GTF2E2: variants seen among roughly 807,000 people sequenced by gnomAD.
GTF2E2 encodes the protein general transcription factor IIE subunit 2, also known as transcription initiation factor IIE subunit beta.
Under a neutral mutation model 40.5 loss-of-function variants are expected in GTF2E2, and 21 were observed. The observed-to-expected ratio is 0.52, with a 90% CI of 0.37 to 0.75. GTF2E2 has a LOEUF of 0.75. GTF2E2 is among the 30% of genes least tolerant of loss of function. The pLI is 0.00. For missense variants in GTF2E2, 298 were observed against 338.4 expected (o/e 0.88, Z 0.94); for synonymous variants, 117 against 121.6 (o/e 0.96, Z 0.25).
intron 3 of GTF2E2, among the ~76,000 whole-genome samples, chr8:30,618,343 TTAGTAAAGTGGCTCCTTCATCACTAG>T (rs1479082332): frequency 1.9e-4 from 29 of 152,092 alleles, no homozygotes; most frequent in African/African-American, 6.5e-4. Context: ...ACAAATACTA[TTAGTAAAGTGGCTCCTTCATCACTAG>T]TAGTAAAGTG....
rs191166432 is a variant in GTF2E2, at chr8:30,586,480, G to C, written c.644-6084C>G. 1.3e-3 allele frequency among the ~76,000 whole-genome samples: 198 copies of C among 152,192 alleles called. 2 individuals are homozygous for C. The highest frequency in any genetic ancestry group is 0.012 in the South Asian group (57 of 4,826). On this transcript the variant is annotated intron_variant, in intron 6 of 7. Transcript: ENST00000355904. ...TCCATACTATCCAAAGTGATCCACA[G>C]ATTCAATGCAATCCCTATAAAAATT...
chr8:30,653,493 A>T lies in GTF2E2; in HGVS notation c.106T>A (p.Ser36Thr). The T allele has an allele frequency of 6.2e-7, 1 of 1,613,590 alleles. No homozygotes were observed. The highest frequency in any genetic ancestry group is 2.2e-5 in the East Asian group (1 of 44,868). The change falls in exon 2 of 8, where the codon TCA becomes ACA. Residue 36 changes from serine to threonine, a missense_variant. Ser to Thr is a moderately conservative substitution (Grantham distance 58, BLOSUM62 1). Transcript: ENST00000355904. ...SASSESSSSS[S>T]KKKKTKVEHG... is the part of the protein sequence containing the mutation. ...TCTACCTTTGTTTTCTTCTTCTTTG[A>T]CGATGATGATGATGACTCAGAAGAT...
At chr8:30,634,300 T>C (rs1801519502) in intron 3 of GTF2E2, among the ~76,000 whole-genome samples, 2 of 151,932 alleles carry the variant, frequency 1.3e-5, no homozygotes, top group Admixed American at 1.3e-4. Context: ...ATAAGAAAAT[T>C]AGCCAGGCAT....
At chr8:30,644,562 G>A (rs1411102292) in intron 2 of GTF2E2, 1 of 151,914 alleles carries the variant, frequency 6.6e-6, no homozygotes, top group East Asian at 1.9e-4. Flanking sequence ...GAAATACACT[G>A]AACCAAAAAG....
intron 3 of GTF2E2, among the ~76,000 whole-genome samples, chr8:30,622,264 G>A (rs1801125882): frequency 6.6e-6 from 1 of 151,712 alleles, no homozygotes; most frequent in South Asian, 2.1e-4. Flanking sequence ...AAGGGACAGA[G>A]TACAAAAGAG....
chr8:30,634,770 C>A (rs1369560770), intron 3 of GTF2E2, among the ~76,000 whole-genome samples: 1 of 152,148 alleles, frequency 6.6e-6, no homozygotes, highest in Non-Finnish European at 1.5e-5. Flanking sequence ...CCTAGGCACA[C>A]TCTTATTAAG....
chr8:30,653,326 G>T, intron 2 of GTF2E2, 107 bp downstream of exon 2: 1 of 747,588 alleles, frequency 1.3e-6, no homozygotes, highest in South Asian at 1.8e-5. Flanking sequence ...TCAACAAAGT[G>T]CCTATCAACA....
At chr8:30,583,119 A>T (rs1828559775) in intron 6 of GTF2E2, among the ~76,000 whole-genome samples, 1 of 152,168 alleles carries the variant, frequency 6.6e-6, no homozygotes, top group African/African-American at 2.4e-5. Context: ...GGATCATTCA[A>T]GGTCAGGAGT....
At chr8:30,630,025 AGATAACTTG>A (rs1295322206) in intron 3 of GTF2E2, among the ~76,000 whole-genome samples, 1 of 152,252 alleles carries the variant, frequency 6.6e-6, no homozygotes. Context: ...GGGATTTTCG[AGATAACTTG>A]GAGTGCTTTT....
intron 6 of GTF2E2, 122 bp downstream of exon 6, chr8:30,606,935 A>G (rs1829331592): frequency 2.2e-6 from 1 of 456,706 alleles, no homozygotes; most frequent in African/African-American, 2.1e-5. Flanking sequence ...CTGTGTTCTA[A>G]GAAATGATAA....
intron 3 of GTF2E2, among the ~76,000 whole-genome samples, chr8:30,634,540 A>C (rs908838245): frequency 2.0e-5 from 3 of 152,232 alleles, no homozygotes; most frequent in Admixed American, 1.3e-4. Context: ...ACCTTCCATC[A>C]AACATTAAAT....
chr8:30,596,598 G>T (rs1829012967), intron 6 of GTF2E2, among the ~76,000 whole-genome samples: 2 of 152,090 alleles, frequency 1.3e-5, no homozygotes, highest in Non-Finnish European at 2.9e-5. Context: ...AAAATGTCCT[G>T]TCTCAATTCC....
At chr8:30,624,916 G>A (rs1459723501) in intron 3 of GTF2E2, among the ~76,000 whole-genome samples, 7 of 151,812 alleles carry the variant, frequency 4.6e-5, no homozygotes, top group African/African-American at 1.2e-4. Context: ...GGGCTGAGAT[G>A]ATGGGGTTTT....
intron 3 of GTF2E2, among the ~76,000 whole-genome samples, chr8:30,632,678 C>A (rs1801476044): frequency 6.6e-6 from 1 of 152,092 alleles, no homozygotes; most frequent in African/African-American, 2.4e-5. Context: ...ATTTGATAAG[C>A]CTTTTTGATA....
chr8:30,644,667 C>T (rs1801995392), intron 2 of GTF2E2: 1 of 152,174 alleles, frequency 6.6e-6, no homozygotes, highest in Non-Finnish European at 1.5e-5. Context: ...TAGATAACAG[C>T]TCACTGACCA....
chr8:30,652,196 T>C (rs777935306), intron 2 of GTF2E2, among the ~76,000 whole-genome samples: 2 of 151,698 alleles, frequency 1.3e-5, no homozygotes, highest in African/African-American at 2.4e-5. Context: ...AGAATACAAA[T>C]GATAAAAGAA....
At chr8:30,642,471 A>G (rs1369447609) in intron 2 of GTF2E2, among the ~76,000 whole-genome samples, 1 of 152,204 alleles carries the variant, frequency 6.6e-6, no homozygotes, top group Non-Finnish European at 1.5e-5. Context: ...TAGATGATTT[A>G]CTTTGGTTTC....
In GTF2E2 at chr8:30,585,561, G is replaced by T. The variant is rs146593712; in HGVS notation, c.644-5165C>A. 6.8e-3 allele frequency among the ~76,000 whole-genome samples: 1,035 copies of T among 152,204 alleles called. 15 individuals are homozygous for T. The highest frequency in any genetic ancestry group is 0.023 in the African/African-American group (969 of 41,522). On this transcript the variant is annotated intron_variant, in intron 6 of 7. Transcript: ENST00000355904. ...GAGAAAAGAATACAGTTTGCTTAGA[G>T]AATTTTCATTTTTTTGTTCTGCAGA... is the stretch of plus-strand genomic sequence containing the variant.
At position 30,611,457 on chromosome 8, in the gene GTF2E2, G is replaced by A. The variant is rs115011039; in HGVS notation, c.549+842C>T. 5.0e-3 allele frequency among the ~76,000 whole-genome samples: 766 copies of A among 151,906 alleles called. 4 individuals are homozygous for A. The highest frequency in any genetic ancestry group is 0.017 in the African/African-American group (707 of 41,444). ...GGGTGTAACAAAAGATACTTGTCAC[G>A]AATGGAAAAAAAAGAAAACAAAATT... On this transcript the variant is annotated intron_variant, in intron 5 of 7. Coordinates refer to ENST00000355904, the MANE Select transcript of GTF2E2 (RefSeq NM_002095.6).
Sources: gnomAD v4.1 joint callset for allele counts (sites outside exome capture counted in the v4.1 genomes callset) on GRCh38, gnomAD v4.1.1 for gene constraint, MANE v1.5 for transcripts, NCBI Gene and HGNC (gene_info 2026-07-23, HGNC 2026-07-21) for gene names.